The following BCL2L13 variants were observed in gnomAD, a reference collection of about 807,000 sequenced individuals.
The protein encoded by BCL2L13 is bcl-2-like protein 13.
In BCL2L13, 13 loss-of-function variants were observed where a neutral mutation model predicts 25.8. That is an observed-to-expected ratio of 0.50 (90% CI 0.33 to 0.80). BCL2L13 has a LOEUF of 0.80. BCL2L13 is among the 30% of genes least tolerant of loss of function. BCL2L13 has a pLI of 0.02. For synonymous variants in BCL2L13, 244 were observed against 230.3 expected (o/e 1.06, Z -0.54); for missense variants, 504 against 574.9 (o/e 0.88, Z 1.26).
intron 2 of BCL2L13, among the ~76,000 whole-genome samples, chr22:17,682,351 C>T (rs978456438): frequency 3.3e-5 from 5 of 151,910 alleles, no homozygotes; most frequent in Non-Finnish European, 7.4e-5. Context: ...CTGTTGTGGG[C>T]AGGGTTGGGG....
At chr22:17,713,960 A>G (rs997453029) in intron 6 of BCL2L13, among the ~76,000 whole-genome samples, 9 of 151,212 alleles carry the variant, frequency 6.0e-5, no homozygotes, top group African/African-American at 2.2e-4. Context: ...GGCCAACACC[A>G]TGGTGATACC....
rs2061384396 is a variant in BCL2L13 at position 17,730,766 on chromosome 22, C to T, written c.*3232C>T. 1 of 152,054 alleles carries T rather than the reference C, an allele frequency of 6.6e-6. No individual in the cohort carries two copies. Among genetic ancestry groups the T allele is most frequent in the African/African-American group, 2.4e-5 (1 of 41,368 alleles). 9.4% of individuals were successfully genotyped at this position (152,054 alleles called of 1,614,324 possible). Reference sequence around the variant, plus strand: ...GACCTAGAGCTTCTGCCCAAATTCCCACACAAGCATTATCTCGTTTAACAT... The same window carrying T: ...GACCTAGAGCTTCTGCCCAAATTCCTACACAAGCATTATCTCGTTTAACAT... On this transcript the variant is annotated 3_prime_UTR_variant, in exon 7 of 7. Transcript: ENST00000317582.
intron 1 of BCL2L13, among the ~76,000 whole-genome samples, chr22:17,648,202 C>T (rs771572765): frequency 1.3e-5 from 2 of 151,992 alleles, no homozygotes; most frequent in Non-Finnish European, 2.9e-5. Context: ...AAGTGGGTGT[C>T]CTCTCCCATT....
rs1453155056 is a variant in BCL2L13, at chr22:17,730,246, G to A, written c.*2712G>A. 1 of 152,146 alleles carries A rather than the reference G, an allele frequency of 6.6e-6. No individual in the cohort carries two copies. Among genetic ancestry groups the A allele is most frequent in the Non-Finnish European group, 1.5e-5 (1 of 68,024 alleles). The allele number at this position is 152,146 out of a possible 1,614,324, so 9.4% of individuals were successfully genotyped here. A position where few individuals can be genotyped will look rare whatever the true frequency, so the allele number is the denominator to read the frequency against. On this transcript the variant is annotated 3_prime_UTR_variant, in exon 7 of 7. Coordinates refer to ENST00000317582, the MANE Select transcript of BCL2L13 (RefSeq NM_015367.4). ...CAGTACCTGCGGTGTGCCTTAAGGGGACTCTCATGATCATCATTCCCTTCT... is the reference window on the plus strand; with the variant it reads ...CAGTACCTGCGGTGTGCCTTAAGGGAACTCTCATGATCATCATTCCCTTCT...
rs565556177 is a variant in BCL2L13, at chr22:17,656,038, C to T, written c.121+206C>T. Among the ~76,000 whole-genome samples the T allele has an allele frequency of 9.9e-5, 15 of 152,034 alleles. No homozygotes were observed. The East Asian group carries it at 1.2e-3, about 12-fold the overall frequency. On this transcript the variant is annotated intron_variant, in intron 2 of 6. Transcript: ENST00000317582. The stretch of plus-strand genomic sequence containing the variant: ...TGAGCAGATCACGAAGTCAGGAGTT[C>T]GAGACTAGCCTGGCCAACATGGTGA...
chr22:17,693,368 GTTTGTT>G (rs2060165118), intron 4 of BCL2L13, among the ~76,000 whole-genome samples: 1 of 112,244 alleles, frequency 8.9e-6, no homozygotes. Context: ...TTTATTTAGT[GTTTGTT>G]TTTTTTTTTT....
intron 2 of BCL2L13, among the ~76,000 whole-genome samples, chr22:17,678,639 A>G (rs959280590): frequency 6.6e-6 from 1 of 152,220 alleles, no homozygotes; most frequent in African/African-American, 2.4e-5. Flanking sequence ...ATGAAATAAC[A>G]CATAGGAAAT....
chr22:17,676,123 C>G (rs902097488), intron 2 of BCL2L13, among the ~76,000 whole-genome samples: 2 of 152,134 alleles, frequency 1.3e-5, no homozygotes, highest in Non-Finnish European at 2.9e-5. Context: ...GGGCATTTAT[C>G]TCATTACTCT....
intron 6 of BCL2L13, among the ~76,000 whole-genome samples, chr22:17,719,544 C>T (rs562106562): frequency 6.6e-6 from 1 of 152,178 alleles, no homozygotes; most frequent in Non-Finnish European, 1.5e-5. Flanking sequence ...AAATGTCGTG[C>T]CTACCTACAA....
chr22:17,691,813 T>C (rs2060115962), intron 4 of BCL2L13, among the ~76,000 whole-genome samples: 5 of 152,202 alleles, frequency 3.3e-5, no homozygotes, highest in Admixed American at 3.3e-4. Context: ...GTATTGTTTC[T>C]GAAGTCCTTT....
chr22:17,704,773 A>G (rs1457421510), intron 6 of BCL2L13, among the ~76,000 whole-genome samples: 1 of 152,172 alleles, frequency 6.6e-6, no homozygotes, highest in Non-Finnish European at 1.5e-5. Flanking sequence ...ACTGAAATCT[A>G]CCAAAGTTAA....
At chr22:17,678,835 A>T (rs1051122620) in intron 2 of BCL2L13, among the ~76,000 whole-genome samples, 2 of 152,188 alleles carry the variant, frequency 1.3e-5, no homozygotes, top group Non-Finnish European at 2.9e-5. Context: ...TCTTCAGTGG[A>T]TAAATGAATA....
intron 6 of BCL2L13, among the ~76,000 whole-genome samples, chr22:17,715,330 C>T (rs1027458141): frequency 2.7e-5 from 4 of 148,808 alleles, no homozygotes; most frequent in Non-Finnish European, 4.5e-5. Flanking sequence ...TACAGGCATG[C>T]GCAACCACTC....
intron 6 of BCL2L13, among the ~76,000 whole-genome samples, chr22:17,705,827 T>C (rs1443422738): frequency 6.6e-6 from 1 of 152,006 alleles, no homozygotes; most frequent in Non-Finnish European, 1.5e-5. Context: ...CAACATCAAG[T>C]GAAACAAACT....
chr22:17,632,152 G>A (rs2058041554), intron 1 of BCL2L13, among the ~76,000 whole-genome samples: 3 of 152,030 alleles, frequency 2.0e-5, no homozygotes, highest in Admixed American at 6.6e-5. Flanking sequence ...TACTGATAAT[G>A]CTGGATAAAG....
chr22:17,706,484 A>G (rs1272885954), intron 6 of BCL2L13, among the ~76,000 whole-genome samples: 3 of 152,214 alleles, frequency 2.0e-5, no homozygotes, highest in Non-Finnish European at 4.4e-5. Context: ...CTCAGTTTCA[A>G]CTACAAAAAG....
At position 17,641,079 on chromosome 22, in the gene BCL2L13, A is replaced by G. The variant is rs539457871; in HGVS notation, c.-51+2193A>G. 2.5e-3 allele frequency among the ~76,000 whole-genome samples: 383 copies of G among 151,746 alleles called. 3 individuals are homozygous for G. The highest frequency in any genetic ancestry group is 8.9e-3 in the African/African-American group (370 of 41,396). ...CTAATTTTTTGTATTTTTAGTAGAG[A>G]CGGGGTTTCACCGTGTTAGCCAGGA... On this transcript the variant is annotated intron_variant, in intron 1 of 6. Transcript: ENST00000317582.
intron 6 of BCL2L13, among the ~76,000 whole-genome samples, chr22:17,722,828 G>GAT (rs1439728952): frequency 2.0e-5 from 3 of 152,100 alleles, no homozygotes; most frequent in Non-Finnish European, 2.9e-5. Flanking sequence ...CTATGAGCAT[G>GAT]ATATATATAT....
chr22:17,630,683 C>A (rs941069496), intron 1 of BCL2L13, among the ~76,000 whole-genome samples: 1 of 151,136 alleles, frequency 6.6e-6, no homozygotes, highest in Non-Finnish European at 1.5e-5. Context: ...CTCCGCCTCC[C>A]GGGTTCAATT....
Sources: allele counts gnomAD v4.1 joint callset (sites outside exome capture counted in the v4.1 genomes callset), GRCh38; gene constraint gnomAD v4.1.1; transcripts MANE v1.5; gene names NCBI Gene and HGNC (gene_info 2026-07-23, HGNC 2026-07-21).